Variants in PTPN22 observed in about 807,000 individuals in gnomAD.
The protein encoded by PTPN22 is protein tyrosine phosphatase non-receptor type 22, also known as tyrosine-protein phosphatase non-receptor type 22.
In PTPN22, 85 loss-of-function variants were observed where a neutral mutation model predicts 103.3. The observed-to-expected ratio is 0.82, with a 90% confidence interval of 0.69 to 0.99. The LOEUF (loss-of-function observed/expected upper bound fraction) is 0.99, where lower values mean the gene tolerates loss of function less well. Among genes scored for constraint, PTPN22 ranks in the 50% least tolerant of loss-of-function variants. The pLI, the probability that PTPN22 is intolerant of heterozygous loss-of-function variation, is 0.00. For synonymous variants in PTPN22, 323 were observed against 310.2 expected (o/e 1.04, Z -0.43); for missense variants, 865 against 936.9 (o/e 0.92, Z 1.00).
intron 9 of PTPN22, 121 bp from the exon 10 acceptor site, chr1:113,852,225 T>C (rs1664628952): frequency 1.5e-6 from 1 of 680,140 alleles, no homozygotes; most frequent in Non-Finnish European, 2.4e-6. Context: ...ATCAGAAAAA[T>C]GATGCATTTT....
chr1:113,816,974 G>C (rs1355694554), intron 20 of PTPN22, among the ~76,000 whole-genome samples: 1 of 152,070 alleles, frequency 6.6e-6, no homozygotes, highest in Non-Finnish European at 1.5e-5. Context: ...AGGAGAGTAG[G>C]GAAGGGGAAA....
chr1:113,858,619 T>G, intron 3 of PTPN22, 46 bp from the exon 4 acceptor site: 1 of 1,159,806 alleles, frequency 8.6e-7, no homozygotes. Context: ...AATAATACCC[T>G]GTTCTCACCT....
At chr1:113,857,964 T>G (rs1665220455) in intron 4 of PTPN22, 188 bp from the exon 5 acceptor site, 1 of 477,550 alleles carries the variant, frequency 2.1e-6, no homozygotes, top group African/African-American at 2.0e-5. Context: ...CTGACAATAC[T>G]TCCCCTTTCT....
At chr1:113,820,427 C>G (rs1347793672) in intron 19 of PTPN22, among the ~76,000 whole-genome samples, 1 of 152,092 alleles carries the variant, frequency 6.6e-6, no homozygotes, top group Admixed American at 6.6e-5. Context: ...CCACTGCACT[C>G]CATCCAGACT....
intron 1 of PTPN22, among the ~76,000 whole-genome samples, chr1:113,869,805 C>A (rs1313157457): frequency 6.6e-6 from 1 of 152,134 alleles, no homozygotes; most frequent in East Asian, 1.9e-4. Context: ...GAATTATAGT[C>A]CAGGGGCAGG....
intron 20 of PTPN22, among the ~76,000 whole-genome samples, chr1:113,818,372 C>G (rs1661327975): frequency 6.6e-6 from 1 of 151,796 alleles, no homozygotes; most frequent in South Asian, 2.1e-4. Context: ...ACCATGTTGG[C>G]CAAGATGGTC....
intron 16 of PTPN22, among the ~76,000 whole-genome samples, chr1:113,830,808 A>G (rs1189889189): frequency 6.6e-6 from 1 of 152,154 alleles, no homozygotes; most frequent in African/African-American, 2.4e-5. Context: ...GCATTTAATT[A>G]TATGGTGCTG....
intron 1 of PTPN22, among the ~76,000 whole-genome samples, chr1:113,864,607 C>T (rs1346694193): frequency 7.0e-6 from 1 of 143,108 alleles, no homozygotes; most frequent in Non-Finnish European, 1.5e-5. Flanking sequence ...CAAGTGAGGC[C>T]CTGTCTCAAA....
chr1:113,868,749 G>C (rs774550319), intron 1 of PTPN22, among the ~76,000 whole-genome samples: 1 of 152,070 alleles, frequency 6.6e-6, no homozygotes, highest in Non-Finnish European at 1.5e-5. Flanking sequence ...GGGTGTAGGG[G>C]ACCTGATGGG....
At position 113,856,699 on chromosome 1, in the gene PTPN22, G is replaced by A. The variant is rs1180702164; in HGVS notation, c.409-80C>T. The A allele has an allele frequency of 3.1e-6, 5 of 1,592,572 alleles. No individual in the cohort carries two copies. The East Asian group carries it at 6.8e-5, about 22-fold the overall frequency. On this transcript the variant is annotated intron_variant, in intron 5 of 20. Coordinates refer to ENST00000359785, the Ensembl canonical transcript of PTPN22. Reference sequence around the variant, plus strand: ...ACTCTCTCATTTGGAAGCAAATTCAGCTCTATGTCCTTCACCTTAGGTTAG... The same window carrying A: ...ACTCTCTCATTTGGAAGCAAATTCAACTCTATGTCCTTCACCTTAGGTTAG...
In PTPN22 at chr1:113,829,837, G is replaced by A. The variant is rs920775510; in HGVS notation, c.2134+112C>T. On this transcript the variant is annotated intron_variant, in intron 17 of 20. Coordinates refer to ENST00000359785, the Ensembl canonical transcript of PTPN22. Reference sequence around the variant, plus strand: ...ACTATATATTAGGGGCTTTTAAAATGTATTCTTTTGTGTAATCATTTTTGT... The same window carrying A: ...ACTATATATTAGGGGCTTTTAAAATATATTCTTTTGTGTAATCATTTTTGT... 4.9e-6 allele frequency: 6 copies of A among 1,227,480 alleles called. No homozygotes were observed. In the African/African-American group the frequency reaches 9.3e-5, roughly 19 times the overall value. The allele number at this position is 1,227,480 out of a possible 1,614,324, so 76.0% of individuals were successfully genotyped here. A position where few individuals can be genotyped will look rare whatever the true frequency, so the allele number is the denominator to read the frequency against.
chr1:113,820,802 A>G lies in PTPN22; in HGVS notation c.2282-1148T>C, dbSNP rs1406896740. Among the ~76,000 whole-genome samples, 3 of 152,166 alleles carry G rather than the reference A, an allele frequency of 2.0e-5. No homozygotes were observed. In the East Asian group the frequency reaches 5.8e-4, roughly 29 times the overall value. ...TCAGAATGCACTGTGTGAACTGCATATGCATATTAGGTATGCATATTTGCA... is the reference window on the plus strand; with the variant it reads ...TCAGAATGCACTGTGTGAACTGCATGTGCATATTAGGTATGCATATTTGCA... On this transcript the variant is annotated intron_variant, in intron 19 of 20. Coordinates refer to ENST00000359785, the Ensembl canonical transcript of PTPN22.
intron 13 of PTPN22, among the ~76,000 whole-genome samples, chr1:113,835,314 C>A (rs1489140719): frequency 3.3e-5 from 5 of 152,180 alleles, no homozygotes; most frequent in South Asian, 2.1e-4. Flanking sequence ...GTCAGGAGAT[C>A]GAAACCATCC....
intron 20 of PTPN22, among the ~76,000 whole-genome samples, chr1:113,816,098 C>A (rs1395587957): frequency 1.3e-5 from 2 of 152,292 alleles, no homozygotes; most frequent in Middle Eastern, 3.4e-3. Context: ...TATACCTAAA[C>A]CTTTAATTTC....
intron 1 of PTPN22, among the ~76,000 whole-genome samples, chr1:113,865,279 T>G (rs2102185150): frequency 6.6e-6 from 1 of 152,292 alleles, no homozygotes; most frequent in Middle Eastern, 3.4e-3. Context: ...ATGAATGAAA[T>G]TAACATAATA....
intron 1 of PTPN22, among the ~76,000 whole-genome samples, chr1:113,864,843 C>G (rs1665980040): frequency 6.6e-6 from 1 of 150,818 alleles, no homozygotes; most frequent in African/African-American, 2.4e-5. Flanking sequence ...ACCCAGGAGG[C>G]AGAGGTTGCA....
intron 1 of PTPN22, among the ~76,000 whole-genome samples, chr1:113,866,986 A>G (rs973996590): frequency 2.6e-5 from 4 of 152,188 alleles, no homozygotes; most frequent in African/African-American, 9.6e-5. Context: ...GACTCAAGCC[A>G]TCTGCTCGTC....
chr1:113,828,379 G>A (rs1056929129), intron 18 of PTPN22, among the ~76,000 whole-genome samples: 2 of 151,954 alleles, frequency 1.3e-5, no homozygotes, highest in African/African-American at 4.8e-5. Flanking sequence ...ATGGATTGAG[G>A]TTTTTGTTTT....
intron 1 of PTPN22, among the ~76,000 whole-genome samples, chr1:113,865,258 T>C (rs1207454746): frequency 1.3e-5 from 2 of 152,182 alleles, no homozygotes; most frequent in African/African-American, 4.8e-5. Context: ...ATTTTAAGGC[T>C]CAGAAATCCA....
Sources: gnomAD v4.1 joint callset for allele counts (sites outside exome capture counted in the v4.1 genomes callset) on GRCh38, gnomAD v4.1.1 for gene constraint, MANE v1.5 for transcripts, NCBI Gene and HGNC (gene_info 2026-07-23, HGNC 2026-07-21) for gene names.